Variants in CNTNAP2 observed in about 807,000 individuals in gnomAD.
CNTNAP2 encodes contactin-associated protein-like 2.
In CNTNAP2, 98 loss-of-function variants were observed where a neutral mutation model predicts 155.2. The ratio of observed to expected loss-of-function variants is 0.63; its 90% CI spans 0.54 to 0.75. CNTNAP2 has a LOEUF of 0.75. CNTNAP2 is among the 30% of genes least tolerant of loss of function. CNTNAP2 has a pLI of 0.00. For missense variants in CNTNAP2, 1,727 were observed against 1,688.1 expected (o/e 1.02, Z -0.40); for synonymous variants, 651 against 631.2 (o/e 1.03, Z -0.47).
At chr7:147,609,101 G>A (rs1801130462) in intron 12 of CNTNAP2, among the ~76,000 whole-genome samples, 1 of 152,162 alleles carries the variant, frequency 6.6e-6, no homozygotes, top group South Asian at 2.1e-4. Context: ...GGCCTGACAG[G>A]CATAATATTT....
intron 13 of CNTNAP2, among the ~76,000 whole-genome samples, chr7:147,738,906 T>C (rs1796905906): frequency 6.6e-6 from 1 of 152,106 alleles, no homozygotes; most frequent in Admixed American, 6.5e-5. Flanking sequence ...CCATCTGCCT[T>C]GGCCTCCCAA....
chr7:147,792,346 C>T (rs1449593613), intron 13 of CNTNAP2, among the ~76,000 whole-genome samples: 2 of 145,656 alleles, frequency 1.4e-5, no homozygotes, highest in African/African-American at 5.4e-5. Flanking sequence ...TTTCTATCTC[C>T]GCCAACTTCT....
chr7:147,279,853 G>A (rs986046296), intron 8 of CNTNAP2, among the ~76,000 whole-genome samples: 7 of 151,870 alleles, frequency 4.6e-5, no homozygotes, highest in African/African-American at 7.2e-5. Context: ...AAAATGGTAA[G>A]TTTACAAGAT....
intron 1 of CNTNAP2, among the ~76,000 whole-genome samples, chr7:146,587,320 A>C (rs1798707940): frequency 6.6e-6 from 1 of 152,002 alleles, no homozygotes; most frequent in Non-Finnish European, 1.5e-5. Flanking sequence ...TACAAAACTT[A>C]TTTTTCTCAT....
intron 3 of CNTNAP2, among the ~76,000 whole-genome samples, chr7:147,000,936 C>T (rs1246420699): frequency 6.6e-6 from 1 of 152,072 alleles, no homozygotes; most frequent in African/African-American, 2.4e-5. Context: ...TATGGTGGGT[C>T]TAAAGGATCA....
intron 15 of CNTNAP2, among the ~76,000 whole-genome samples, chr7:148,107,081 C>G (rs568224363): frequency 9.8e-5 from 15 of 152,286 alleles, no homozygotes; most frequent in Non-Finnish European, 2.1e-4. Flanking sequence ...TAGACTTGTT[C>G]CCACCCTCCA....
intron 2 of CNTNAP2, among the ~76,000 whole-genome samples, chr7:146,780,621 C>A (rs916933434): frequency 6.6e-6 from 1 of 151,948 alleles, no homozygotes; most frequent in Non-Finnish European, 1.5e-5. Flanking sequence ...GCAATCCAAC[C>A]CAAATGGCCA....
At position 148,409,441 on chromosome 7, in the gene CNTNAP2, G is replaced by GC; in HGVS notation, c.3766_3767insC (p.Gly1256AlafsTer68). The GC allele has an allele frequency of 1.2e-6, 2 of 1,613,828 alleles. No homozygotes were observed. Among genetic ancestry groups the GC allele is most frequent in the Non-Finnish European group, 1.7e-6 (2 of 1,179,806 alleles). On this transcript the variant is annotated frameshift_variant, in exon 23 of 24. Transcript: ENST00000361727. LOFTEE classifies it high-confidence loss of function. ...AGGACAAGGCCAAGCTATAAGAAAT[G>GC]GAGTCAACAGAAACTCGGCTATCAT...
chr7:147,449,929 C>A (rs1488033250), intron 10 of CNTNAP2, among the ~76,000 whole-genome samples: 2 of 152,138 alleles, frequency 1.3e-5, no homozygotes, highest in African/African-American at 4.8e-5. Flanking sequence ...TTCCCATATG[C>A]CTGCTTTATT....
At chr7:147,443,457 AT>A (rs996267982) in intron 10 of CNTNAP2, among the ~76,000 whole-genome samples, 3 of 151,244 alleles carry the variant, frequency 2.0e-5, no homozygotes, top group East Asian at 2.0e-4. Context: ...AGTAAGGACT[AT>A]TTTTTTTTCT....
chr7:148,075,499 G>A, intron 15 of CNTNAP2, among the ~76,000 whole-genome samples: 1 of 152,018 alleles, frequency 6.6e-6, no homozygotes, highest in East Asian at 1.9e-4. Context: ...GTGAGTGAAG[G>A]ACCACTTGCT....
chr7:146,466,266 A>T (rs139026195), intron 1 of CNTNAP2, among the ~76,000 whole-genome samples: 15 of 152,276 alleles, frequency 9.9e-5, no homozygotes, highest in African/African-American at 3.6e-4. Context: ...GAGAGGTGAG[A>T]ATTCTGACTT....
rs548664245 is a variant in CNTNAP2 at position 146,214,577 on chromosome 7, T to TA, written c.97+97608dup. ...ACAGAATAATATTCAAATTGTGAAA[T>TA]AAAATACACTGAGGATCAACACTGT... is the stretch of plus-strand genomic sequence containing the variant. On this transcript the variant is annotated intron_variant, in intron 1 of 23. Coordinates refer to ENST00000361727, the MANE Select transcript of CNTNAP2 (RefSeq NM_014141.6). Among the ~76,000 whole-genome samples the TA allele has an allele frequency of 9.2e-5, 14 of 152,266 alleles. No individual in the cohort carries two copies. The South Asian group carries it at 1.7e-3, about 18-fold the overall frequency.
chr7:148,394,763 C>T (rs1799429208), intron 22 of CNTNAP2, among the ~76,000 whole-genome samples: 1 of 152,216 alleles, frequency 6.6e-6, no homozygotes, highest in African/African-American at 2.4e-5. Context: ...TTCCAACAAG[C>T]TCCCAGGTGC....
intron 3 of CNTNAP2, among the ~76,000 whole-genome samples, chr7:146,871,379 A>C (rs1795303498): frequency 6.6e-6 from 1 of 152,022 alleles, no homozygotes; most frequent in Non-Finnish European, 1.5e-5. Flanking sequence ...AAAATACAAA[A>C]ATAAGGCGAT....
At chr7:146,256,756 G>A (rs1799844545) in intron 1 of CNTNAP2, among the ~76,000 whole-genome samples, 1 of 151,600 alleles carries the variant, frequency 6.6e-6, no homozygotes, top group African/African-American at 2.4e-5. Context: ...CCACAACACG[G>A]CAATGCAGAT....
At chr7:147,427,419 T>C (rs1336032081) in intron 10 of CNTNAP2, among the ~76,000 whole-genome samples, 2 of 152,144 alleles carry the variant, frequency 1.3e-5, no homozygotes, top group East Asian at 3.8e-4. Flanking sequence ...ATAAGGTCAT[T>C]GAACAATATG....
intron 13 of CNTNAP2, among the ~76,000 whole-genome samples, chr7:147,854,665 G>A (rs968472813): frequency 5.9e-5 from 9 of 152,136 alleles, no homozygotes; most frequent in African/African-American, 1.7e-4. Flanking sequence ...TTGAGCACTC[G>A]TAATATGGCT....
chr7:146,724,263 A>T (rs1801390286), intron 1 of CNTNAP2, among the ~76,000 whole-genome samples: 1 of 152,178 alleles, frequency 6.6e-6, no homozygotes, highest in Admixed American at 6.5e-5. Flanking sequence ...GAAGTAGTAC[A>T]TTGTAAGTGT....
Sources: gnomAD v4.1 joint callset for allele counts (sites outside exome capture counted in the v4.1 genomes callset) on GRCh38, gnomAD v4.1.1 for gene constraint, MANE v1.5 for transcripts, NCBI Gene and HGNC (gene_info 2026-07-23, HGNC 2026-07-21) for gene names.